PROSER2: variants seen among roughly 807,000 people sequenced by gnomAD.
PROSER2 encodes the protein proline and serine rich 2, also known as proline and serine-rich protein 2.
PROSER2 carries 18 observed loss-of-function variants against 14.6 expected under a neutral mutation model. The observed-to-expected ratio is 1.23, with a 90% confidence interval of 0.85 to 1.83. PROSER2 has a LOEUF of 1.83. Ranked by LOEUF, PROSER2 falls within the 40% of genes most tolerant of loss-of-function variation. PROSER2 has a pLI of 0.00. For synonymous variants in PROSER2, 367 were observed against 286.4 expected, an observed-to-expected ratio of 1.28 and a Z score of -2.84; for missense variants, 823 against 629.8, an observed-to-expected ratio of 1.31 and a Z score of -3.28.
In PROSER2 at chr10:11,869,323, T is replaced by C; in HGVS notation, c.392-167T>C. 1.6e-6 allele frequency: 1 copy of C among 622,756 alleles called. No individual in the cohort carries two copies. The allele number at this position is 622,756 out of a possible 1,614,324, so 38.6% of individuals were successfully genotyped here. A position where few individuals can be genotyped will look rare whatever the true frequency, so the allele number is the denominator to read the frequency against. ...GTCATGAGCATGACATACCACCTTC[T>C]CCTTCCCTAGTCCCAGGAACAGGGA... On this transcript the variant is annotated intron_variant, in intron 3 of 3. Transcript: ENST00000277570. The surrounding 1 kb of genome is among the most constrained non-coding windows in gnomAD (Gnocchi z 4.4).
At chr10:11,848,569 C>A (rs1411225623) in intron 1 of PROSER2, among the ~76,000 whole-genome samples, 3 of 152,178 alleles carry the variant, frequency 2.0e-5, no homozygotes, top group Admixed American at 6.5e-5. Context: ...ACCCTTCAGA[C>A]CATGGCCAGA....
Position 11,852,187 on chromosome 10 carries a change from G to A in PROSER2, c.110G>A (p.Ser37Asn), listed in dbSNP as rs1834032841. Residue 37 changes from serine (S) to asparagine (N), a missense_variant, in exon 2 of 4, where the codon AGC becomes AAC. Transcript: ENST00000277570. ...SRGGSLESRSSSSRSRSFTLD... is the reference protein window; with the variant it reads ...SRGGSLESRSNSSRSRSFTLD... Reference sequence around the variant, plus strand: ...GGCGGCAGCCTGGAGAGTCGAAGCAGCAGCTCTCGCTCCAGAAGCTTCACT... The same window carrying A: ...GGCGGCAGCCTGGAGAGTCGAAGCAACAGCTCTCGCTCCAGAAGCTTCACT... 1 of 1,612,370 alleles carries A rather than the reference G, an allele frequency of 6.2e-7. No individual in the cohort carries two copies.
chr10:11,850,384 T>A (rs894383636), intron 1 of PROSER2: 7 of 152,318 alleles, frequency 4.6e-5, no homozygotes, highest in Admixed American at 2.6e-4. Flanking sequence ...AGCTGCTCCG[T>A]ATACCCGAGT....
At chr10:11,860,413 G>A (rs370773172) in intron 2 of PROSER2, among the ~76,000 whole-genome samples, 112 of 152,056 alleles carry the variant, frequency 7.4e-4, no homozygotes, top group Middle Eastern at 3.4e-3. Flanking sequence ...TCAGGAGTTC[G>A]AGACCAGGCT....
chr10:11,864,207 C>G (rs1834299385), intron 2 of PROSER2, among the ~76,000 whole-genome samples: 2 of 152,180 alleles, frequency 1.3e-5, no homozygotes, highest in African/African-American at 4.8e-5. Flanking sequence ...GATCCTAGTT[C>G]ACAATTTATC....
intron 1 of PROSER2, among the ~76,000 whole-genome samples, chr10:11,843,187 A>G (rs768999201): frequency 2.1e-5 from 3 of 146,004 alleles, no homozygotes; most frequent in Non-Finnish European, 3.0e-5. Flanking sequence ...TGATCCGCCC[A>G]CCTCGGCCTC....
chr10:11,846,952 A>T (rs867597116), intron 1 of PROSER2, among the ~76,000 whole-genome samples: 10 of 151,538 alleles, frequency 6.6e-5, no homozygotes, highest in African/African-American at 2.4e-4. Context: ...GGGCATCTCT[A>T]TGTTGCCCGG....
At chr10:11,853,542 G>A (rs543684747) in intron 2 of PROSER2, among the ~76,000 whole-genome samples, 14 of 152,264 alleles carry the variant, frequency 9.2e-5, no homozygotes, top group Admixed American at 2.0e-4. Context: ...AGCTGAAATC[G>A]CGCCACTGCA....
intron 2 of PROSER2, among the ~76,000 whole-genome samples, chr10:11,858,280 C>A (rs952427553): frequency 1.3e-5 from 2 of 152,152 alleles, no homozygotes. Context: ...TATTTTAAGC[C>A]TTCTCAGCAT....
At chr10:11,859,298 G>A (rs1834189560) in intron 2 of PROSER2, among the ~76,000 whole-genome samples, 1 of 151,988 alleles carries the variant, frequency 6.6e-6, no homozygotes, top group Non-Finnish European at 1.5e-5. Flanking sequence ...GTGTGGTGGT[G>A]CAGCCTGTAA....
intron 2 of PROSER2, among the ~76,000 whole-genome samples, chr10:11,855,501 G>T (rs945484570): frequency 6.6e-6 from 1 of 150,682 alleles, no homozygotes; most frequent in Non-Finnish European, 1.5e-5. Flanking sequence ...GAAAAAAGAC[G>T]ATAAAAGATG....
rs1457808876 is a variant in PROSER2, at chr10:11,830,328, G to A, written c.-82+6858G>A. Among the ~76,000 whole-genome samples the A allele has an allele frequency of 1.3e-5, 2 of 152,192 alleles. No individual in the cohort carries two copies. The highest frequency in any genetic ancestry group is 2.9e-5 in the Non-Finnish European group (2 of 68,040). On this transcript the variant is annotated intron_variant, in intron 1 of 3. Transcript: ENST00000277570. The surrounding 1 kb of genome is among the most constrained non-coding windows in gnomAD (Gnocchi z 4.5). ...ACTTTCACTTAGGATAATGCCTTCA[G>A]TTCCATCCACGTTGCTGCAAAAGAC...
intron 1 of PROSER2, among the ~76,000 whole-genome samples, chr10:11,844,724 C>T (rs1257122278): frequency 3.3e-5 from 5 of 152,178 alleles, no homozygotes; most frequent in African/African-American, 1.2e-4. Context: ...TGGGTTCAAG[C>T]GATTCTCCCA....
rs769559330 is a variant in PROSER2, at chr10:11,866,826, T to C, written c.391+43T>C. 1 of 1,585,120 alleles carries C rather than the reference T, an allele frequency of 6.3e-7. No individual in the cohort carries two copies. The highest frequency in any genetic ancestry group is 1.7e-5 in the Admixed American group (1 of 58,146). On this transcript the variant is annotated intron_variant, in intron 3 of 3. Coordinates refer to ENST00000277570, the MANE Select transcript of PROSER2 (RefSeq NM_153256.4). This position sits in a 1 kb window ranked among gnomAD's most constrained non-coding sequence, Gnocchi z 6.0. ...CCATCCCTGGGATGTGGTTTCCTGG[T>C]GTCTGTGAGACCCAGAGATACTTCT...
In PROSER2 at chr10:11,837,578, C is replaced by T. The variant is rs979973069; in HGVS notation, c.-82+14108C>T. On this transcript the variant is annotated intron_variant, in intron 1 of 3. Transcript: ENST00000277570. This position sits in a 1 kb window ranked among gnomAD's most constrained non-coding sequence, Gnocchi z 4.6. Reference sequence around the variant, plus strand: ...AAGTGTTTGCAATGGCAATGAGTTGCGTAACATAGACATACTAAGCAAGAT... The same window carrying T: ...AAGTGTTTGCAATGGCAATGAGTTGTGTAACATAGACATACTAAGCAAGAT... Among the ~76,000 whole-genome samples the T allele has an allele frequency of 6.6e-6, 1 of 152,152 alleles. No individual in the cohort carries two copies. The highest frequency in any genetic ancestry group is 2.1e-4 in the South Asian group (1 of 4,828).
At chr10:11,854,801 A>T in intron 2 of PROSER2, among the ~76,000 whole-genome samples, 1 of 152,200 alleles carries the variant, frequency 6.6e-6, no homozygotes, top group Non-Finnish European at 1.5e-5. Flanking sequence ...CTTAGCAGCC[A>T]GTCCCTATCA....
In PROSER2 at chr10:11,865,670, C is replaced by T. The variant is rs974841744; in HGVS notation, c.139-861C>T. Among the ~76,000 whole-genome samples the T allele has an allele frequency of 6.6e-6, 1 of 152,202 alleles. No individual in the cohort carries two copies. Among genetic ancestry groups the T allele is most frequent in the East Asian group, 1.9e-4 (1 of 5,198 alleles). Reference sequence around the variant, plus strand: ...CCCCAGAGATGACATGCACAGTCCTCCATCTGGAGGGCGGTCACTTGGCTG... The same window carrying T: ...CCCCAGAGATGACATGCACAGTCCTTCATCTGGAGGGCGGTCACTTGGCTG... On this transcript the variant is annotated intron_variant, in intron 2 of 3. Transcript: ENST00000277570. This position sits in a 1 kb window ranked among gnomAD's most constrained non-coding sequence, Gnocchi z 4.2.
intron 1 of PROSER2, among the ~76,000 whole-genome samples, chr10:11,833,897 C>T (rs961161916): frequency 2.0e-5 from 3 of 147,964 alleles, no homozygotes; most frequent in East Asian, 2.0e-4. Context: ...TGACCATGTT[C>T]GGTAGAGTTT....
Position 11,871,543 on chromosome 10 carries a change from C to A in PROSER2, c.*1137C>A, listed in dbSNP as rs994631302. ...AAGCAAAAGATTCTTAAAGATCCAC[C>A]GACTGTCATGTTCCACAAGCAAGAT... On this transcript the variant is annotated 3_prime_UTR_variant, in exon 4 of 4. Transcript: ENST00000277570. 1 of 152,270 alleles carries A rather than the reference C, an allele frequency of 6.6e-6. No homozygotes were observed. The highest frequency in any genetic ancestry group is 1.5e-5 in the Non-Finnish European group (1 of 68,030). 9.4% of individuals were successfully genotyped at this position (152,270 alleles called of 1,614,324 possible). A position where few individuals can be genotyped will look rare whatever the true frequency, so the allele number is the denominator to read the frequency against.
Sources: allele counts gnomAD v4.1 joint callset (sites outside exome capture counted in the v4.1 genomes callset), GRCh38; gene constraint gnomAD v4.1.1; non-coding constraint Gnocchi (gnomAD v3.1); transcripts MANE v1.5; gene names NCBI Gene and HGNC (gene_info 2026-07-23, HGNC 2026-07-21).